NOTCH2: variants seen among roughly 807,000 people sequenced by gnomAD.
The protein encoded by NOTCH2 is notch receptor 2.
Under a neutral mutation model 235.8 loss-of-function variants are expected in NOTCH2, and 29 were observed. That is an observed-to-expected ratio of 0.12 (90% CI 0.09 to 0.17). The LOEUF is 0.17. Among genes scored for constraint, NOTCH2 ranks in the 10% least tolerant of loss-of-function variants. The pLI, the probability that NOTCH2 is intolerant of heterozygous loss-of-function variation, is 1.00. For synonymous variants in NOTCH2, 1,086 were observed against 1,141.5 expected, an observed-to-expected ratio of 0.95 and a Z score of 0.98; for missense variants, 2,285 against 3,150.2, an observed-to-expected ratio of 0.73 and a Z score of 6.57.
intron 12 of NOTCH2, among the ~76,000 whole-genome samples, chr1:119,958,751 C>T (rs61789713): frequency 2.7e-5 from 4 of 150,518 alleles, no homozygotes; most frequent in African/African-American, 4.9e-5. Context: ...TCTGTGTGTG[C>T]GTGTGCATGT....
chr1:119,932,394 C>T (rs1649696985), intron 22 of NOTCH2, among the ~76,000 whole-genome samples: 1 of 152,056 alleles, frequency 6.6e-6, no homozygotes, highest in Admixed American at 6.6e-5. Context: ...TCAAGACCAG[C>T]CTGACCAACA....
At chr1:120,038,029 A>G (rs1378118904) in intron 1 of NOTCH2, among the ~76,000 whole-genome samples, 1 of 152,204 alleles carries the variant, frequency 6.6e-6, no homozygotes, top group Non-Finnish European at 1.5e-5. Context: ...GTTCTATTTT[A>G]TAATATTGAA....
intron 2 of NOTCH2, among the ~76,000 whole-genome samples, chr1:120,014,234 C>T (rs1653329580): frequency 6.6e-6 from 1 of 151,744 alleles, no homozygotes; most frequent in African/African-American, 2.4e-5. Flanking sequence ...AATCTGAATA[C>T]TTACCAGGTC....
At chr1:119,986,635 C>G (rs1183078395) in intron 5 of NOTCH2, among the ~76,000 whole-genome samples, 2 of 152,138 alleles carry the variant, frequency 1.3e-5, no homozygotes, top group Non-Finnish European at 2.9e-5. Context: ...TATTAAGCAT[C>G]TACTATGTTC....
intron 12 of NOTCH2, among the ~76,000 whole-genome samples, chr1:119,958,524 T>C (rs1314708926): frequency 6.6e-6 from 1 of 152,178 alleles, no homozygotes; most frequent in Admixed American, 6.5e-5. Context: ...AAGGGTAACA[T>C]GTTAGTGGCT....
chr1:119,913,917 A>G lies in NOTCH2; in HGVS notation c.*1389T>C, dbSNP rs773698861. 24 of 232,934 alleles carry G rather than the reference A, an allele frequency of 1.0e-4. No homozygotes were observed. Among genetic ancestry groups the G allele is most frequent in the Non-Finnish European group, 1.4e-4 (17 of 117,942 alleles). 14.4% of individuals were successfully genotyped at this position (232,934 alleles called of 1,614,324 possible). ...CATAGAAAACAAGTCCAACTTTCCA[A>G]TTCCTGCACTTGAACATATAAAGTC... On this transcript the variant is annotated 3_prime_UTR_variant, in exon 34 of 34. Transcript: ENST00000256646.
chr1:119,967,927 A>G (rs1324850089), intron 7 of NOTCH2, 150 bp downstream of exon 7: 1 of 853,384 alleles, frequency 1.2e-6, no homozygotes, highest in African/African-American at 1.7e-5. Context: ...GGCTATGCTG[A>G]AAGGTCACTT....
chr1:120,064,781 T>C (rs1226523633), intron 1 of NOTCH2, among the ~76,000 whole-genome samples: 1 of 147,114 alleles, frequency 6.8e-6, no homozygotes, highest in Non-Finnish European at 1.5e-5. Flanking sequence ...TATACTTTAC[T>C]AAATGTACAT....
intron 12 of NOTCH2, among the ~76,000 whole-genome samples, chr1:119,958,018 C>G (rs143488013): frequency 6.6e-4 from 101 of 152,264 alleles, no homozygotes; most frequent in African/African-American, 2.2e-3. Context: ...GTTTCTTATT[C>G]TGTAGGTATT....
At chr1:119,916,825 C>A (rs587663329) in intron 33 of NOTCH2, 131 bp from the exon 34 acceptor site, 5 of 883,446 alleles carry the variant, frequency 5.7e-6, no homozygotes, top group Non-Finnish European at 9.2e-6. Flanking sequence ...AATATTAACA[C>A]CACAGATAGG....
chr1:120,029,276 C>A (rs1653997845), intron 2 of NOTCH2, among the ~76,000 whole-genome samples: 1 of 151,258 alleles, frequency 6.6e-6, no homozygotes, highest in African/African-American at 2.4e-5. Flanking sequence ...TAATAGGTAA[C>A]ATGTTAAGGG....
intron 4 of NOTCH2, among the ~76,000 whole-genome samples, chr1:119,989,315 C>T (rs1175222652): frequency 1.3e-5 from 2 of 152,096 alleles, no homozygotes; most frequent in Non-Finnish European, 2.9e-5. Flanking sequence ...AGTTAGACTC[C>T]CTCCTCGCAC....
intron 4 of NOTCH2, among the ~76,000 whole-genome samples, chr1:119,989,321 C>T (rs113171225): frequency 1.3e-5 from 2 of 152,050 alleles, no homozygotes; most frequent in African/African-American, 2.4e-5. Flanking sequence ...ACTCCCTCCT[C>T]GCACATAAAA....
At chr1:119,929,792 G>A (rs1553194895) in intron 22 of NOTCH2, among the ~76,000 whole-genome samples, 1 of 152,190 alleles carries the variant, frequency 6.6e-6, no homozygotes, top group East Asian at 1.9e-4. Context: ...CTGCAGTAGT[G>A]TACAGTAATG....
chr1:120,065,415 G>A (rs1423003781), intron 1 of NOTCH2, among the ~76,000 whole-genome samples: 1 of 152,156 alleles, frequency 6.6e-6, no homozygotes, highest in Non-Finnish European at 1.5e-5. Context: ...CCTTCCTCAT[G>A]TACGCATTAA....
chr1:119,976,375 C>A (rs913257419), intron 5 of NOTCH2: 1 of 150,354 alleles, frequency 6.7e-6, no homozygotes, highest in Non-Finnish European at 1.5e-5. Context: ...ATCACCTGCT[C>A]GGAATAAAGT....
intron 19 of NOTCH2, 127 bp from the exon 20 acceptor site, chr1:119,938,137 A>G: frequency 3.9e-6 from 4 of 1,020,114 alleles, no homozygotes; most frequent in Non-Finnish European, 5.9e-6. Context: ...GCCTTCATCT[A>G]GTAAAAGAGC....
At chr1:119,940,372 T>C (rs1001848571) in intron 19 of NOTCH2, among the ~76,000 whole-genome samples, 183 bp downstream of exon 19, 3 of 152,222 alleles carry the variant, frequency 2.0e-5, no homozygotes, top group African/African-American at 7.2e-5. Context: ...TGTGAATCTA[T>C]ATCATATTGC....
chr1:119,941,417 T>C, intron 18 of NOTCH2, 109 bp downstream of exon 18: 2 of 771,148 alleles, frequency 2.6e-6, no homozygotes, highest in East Asian at 2.6e-5. Flanking sequence ...CTGGGATCCA[T>C]GTGGACACCT....
Sources: gnomAD v4.1 joint callset for allele counts (sites outside exome capture counted in the v4.1 genomes callset) on GRCh38, gnomAD v4.1.1 for gene constraint, MANE v1.5 for transcripts, NCBI Gene and HGNC (gene_info 2026-07-23, HGNC 2026-07-21) for gene names.